The following MIB1 variants were observed in gnomAD, a reference collection of about 807,000 sequenced individuals.
MIB1 encodes E3 ubiquitin-protein ligase MIB1.
In MIB1, 278 loss-of-function variants were observed where a neutral mutation model predicts 124.5. The observed-to-expected ratio is 2.23, with a 90% CI of 2.02 to 2.47. The LOEUF is 2.47. MIB1 is among the 30% of genes most tolerant of loss of function. MIB1 has a pLI of 0.00. For missense variants in MIB1, 957 were observed against 1,254.4 expected (o/e 0.76, Z 3.58); for synonymous variants, 446 against 429.4 (o/e 1.04, Z -0.48).
At chr18:21,756,619 C>A (rs556378526) in intron 1 of MIB1, among the ~76,000 whole-genome samples, 1 of 152,026 alleles carries the variant, frequency 6.6e-6, no homozygotes, top group African/African-American at 2.4e-5. Context: ...CGTACACCAC[C>A]GTGGCCGGCA....
At chr18:21,787,793 G>A (rs1458720891) in intron 6 of MIB1, among the ~76,000 whole-genome samples, 8 of 150,104 alleles carry the variant, frequency 5.3e-5, no homozygotes, top group Admixed American at 3.3e-4. Context: ...GTTGGGGAGA[G>A]TGAAGCCAGA....
chr18:21,734,636 C>G (rs1236426258), intron 1 of MIB1, among the ~76,000 whole-genome samples: 1 of 151,958 alleles, frequency 6.6e-6, no homozygotes, highest in Non-Finnish European at 1.5e-5. Context: ...TCAAGTGATT[C>G]TTTTGCCTCA....
chr18:21,811,830 A>G (rs2041777207), intron 10 of MIB1, among the ~76,000 whole-genome samples: 1 of 152,140 alleles, frequency 6.6e-6, no homozygotes, highest in Non-Finnish European at 1.5e-5. Context: ...ATATGAATGT[A>G]CTTAATATCA....
intron 14 of MIB1, among the ~76,000 whole-genome samples, chr18:21,843,731 A>G (rs1368757936): frequency 1.3e-5 from 2 of 152,214 alleles, no homozygotes; most frequent in East Asian, 3.8e-4. Context: ...TTTGAACATT[A>G]TGATTTGGTC....
At chr18:21,803,876 A>T in intron 9 of MIB1, 31 bp from the exon 10 acceptor site, 1 of 1,510,234 alleles carries the variant, frequency 6.6e-7, no homozygotes, top group Non-Finnish European at 9.2e-7. Context: ...TTATTCATTC[A>T]TTCTTTCATT....
intron 12 of MIB1, among the ~76,000 whole-genome samples, chr18:21,835,828 CACACACACACAA>C (rs1279794107): frequency 2.6e-5 from 2 of 75,592 alleles, no homozygotes; most frequent in African/African-American, 8.8e-5. Flanking sequence ...CACACACACA[CACACACACACAA>C]ACACACACGA....
At chr18:21,720,563 G>A (rs1187356562) in intron 1 of MIB1, among the ~76,000 whole-genome samples, 3 of 151,786 alleles carry the variant, frequency 2.0e-5, no homozygotes, top group Admixed American at 1.3e-4. Context: ...ACTCATGATT[G>A]GATCCTGATT....
chr18:21,864,551 GT>G lies in MIB1; in HGVS notation c.2907del (p.Leu970Ter). The G allele has an allele frequency of 6.2e-7, 1 of 1,613,282 alleles. No homozygotes were observed. Among genetic ancestry groups the G allele is most frequent in the Non-Finnish European group, 8.5e-7 (1 of 1,179,330 alleles). On this transcript the variant is annotated frameshift_variant, in exon 21 of 21. Transcript: ENST00000261537. LOFTEE classifies it high-confidence loss of function. ...EQTMCPVCLD[R>X]LKNMIFLCGH... The stretch of plus-strand genomic sequence containing the variant: ...ACAATGTGCCCTGTGTGTCTAGATC[GT>G]CTGAAGAATATGATTTTCCTTTGTG...
chr18:21,707,352 A>G (rs2146349868), intron 1 of MIB1, among the ~76,000 whole-genome samples: 1 of 152,358 alleles, frequency 6.6e-6, no homozygotes, highest in African/African-American at 2.4e-5. Flanking sequence ...CAGACCAGGC[A>G]GCTCTCTGTA....
At chr18:21,710,709 C>G (rs966521454) in intron 1 of MIB1, among the ~76,000 whole-genome samples, 1 of 152,084 alleles carries the variant, frequency 6.6e-6, no homozygotes, top group Non-Finnish European at 1.5e-5. Context: ...ATATTCACAC[C>G]ACTACACTCC....
chr18:21,742,813 A>C (rs1037821437), intron 1 of MIB1, among the ~76,000 whole-genome samples: 2 of 152,224 alleles, frequency 1.3e-5, no homozygotes, highest in African/African-American at 4.8e-5. Flanking sequence ...AGTTTGGCAA[A>C]GCCTTACAAA....
At chr18:21,796,476 A>G (rs910645263) in intron 7 of MIB1, among the ~76,000 whole-genome samples, 11 of 152,122 alleles carry the variant, frequency 7.2e-5, no homozygotes, top group African/African-American at 2.2e-4. Context: ...TGATGGGTTG[A>G]TAGGTGCAGC....
At chr18:21,770,309 T>C (rs1479471506) in intron 3 of MIB1, among the ~76,000 whole-genome samples, 1 of 152,236 alleles carries the variant, frequency 6.6e-6, no homozygotes, top group Non-Finnish European at 1.5e-5. Context: ...TAGAGTAACA[T>C]TGTTAAGCAC....
In MIB1 at chr18:21,819,681, A is replaced by G. The variant is rs1341309850; in HGVS notation, c.1829+35A>G. The stretch of plus-strand genomic sequence containing the variant: ...CCCTTACTATTTTAGGTGCAATTCA[A>G]AAATATTTTCCTACTGTTGATTCTC... On this transcript the variant is annotated intron_variant, in intron 12 of 20. Transcript: ENST00000261537. 9.3e-6 allele frequency: 13 copies of G among 1,405,054 alleles called. No individual in the cohort carries two copies. In the Admixed American group the frequency reaches 1.2e-4, roughly 13 times the overall value. 87.0% of individuals were successfully genotyped at this position (1,405,054 alleles called of 1,614,324 possible). A position where few individuals can be genotyped will look rare whatever the true frequency, so the allele number is the denominator to read the frequency against.
At chr18:21,841,230 G>A (rs1174730551) in intron 13 of MIB1, among the ~76,000 whole-genome samples, 1 of 152,138 alleles carries the variant, frequency 6.6e-6, no homozygotes, top group Non-Finnish European at 1.5e-5. Context: ...GCCAGGCGTG[G>A]TGGCACGCAC....
chr18:21,803,881 T>A, intron 9 of MIB1, 26 bp from the exon 10 acceptor site: 1 of 1,547,436 alleles, frequency 6.5e-7, no homozygotes, highest in Non-Finnish European at 8.9e-7. Flanking sequence ...CATTCATTCT[T>A]TCATTCTTTT....
intron 18 of MIB1, 57 bp from the exon 19 acceptor site, chr18:21,857,073 G>C (rs143519030): frequency 8.7e-7 from 1 of 1,143,010 alleles, no homozygotes; most frequent in Non-Finnish European, 1.3e-6. Context: ...GCAGAGAAAG[G>C]CAACACTCCT....
At chr18:21,844,663 A>C (rs1162878774) in intron 15 of MIB1, among the ~76,000 whole-genome samples, 1 of 152,184 alleles carries the variant, frequency 6.6e-6, no homozygotes, top group Non-Finnish European at 1.5e-5. Context: ...TCCTGACCTC[A>C]GGTGATCCAC....
intron 7 of MIB1, among the ~76,000 whole-genome samples, chr18:21,796,874 G>A (rs560120034): frequency 1.3e-5 from 2 of 152,282 alleles, no homozygotes; most frequent in East Asian, 1.9e-4. Context: ...GAGGGCTGAC[G>A]AGTTATTAAA....
Sources: allele counts gnomAD v4.1 joint callset (sites outside exome capture counted in the v4.1 genomes callset), GRCh38; gene constraint gnomAD v4.1.1; transcripts MANE v1.5; gene names NCBI Gene and HGNC (gene_info 2026-07-23, HGNC 2026-07-21).